Variants in FYB2 observed in about 807,000 individuals in gnomAD.
FYB2 encodes FYN-binding protein 2.
FYB2 carries 103 observed loss-of-function variants against 94.1 expected under a neutral mutation model. The observed-to-expected ratio is 1.09, with a 90% CI of 0.93 to 1.29. The LOEUF (loss-of-function observed/expected upper bound fraction) is 1.29. FYB2 is among the 50% of genes most tolerant of loss of function. The pLI is 0.00. For missense variants in FYB2, 896 were observed against 841.5 expected (o/e 1.06, Z -0.80); for synonymous variants, 293 against 287.9 (o/e 1.02, Z -0.18).
At chr1:56,772,260 AAATG>A (rs1477412682) in intron 4 of FYB2, among the ~76,000 whole-genome samples, 1 of 152,182 alleles carries the variant, frequency 6.6e-6, no homozygotes, top group African/African-American at 2.4e-5. Flanking sequence ...CTTTGGTCAA[AAATG>A]AATAAATATC....
At chr1:56,785,273 C>T (rs1282216528) in intron 4 of FYB2, among the ~76,000 whole-genome samples, 1 of 152,162 alleles carries the variant, frequency 6.6e-6, no homozygotes, top group East Asian at 1.9e-4. Context: ...TCTAGTTAAA[C>T]ACAGCAGTCA....
At chr1:56,783,956 T>C (rs1646070527) in intron 4 of FYB2, among the ~76,000 whole-genome samples, 1 of 152,174 alleles carries the variant, frequency 6.6e-6, no homozygotes, top group Admixed American at 6.6e-5. Context: ...TTGAACACTC[T>C]CTAGATGCTA....
chr1:56,753,744 T>G (rs1645257148), intron 8 of FYB2, 95 bp downstream of exon 8: 22 of 785,308 alleles, frequency 2.8e-5, no homozygotes, highest in Non-Finnish European at 4.3e-5. Flanking sequence ...TTTCTAACTC[T>G]GTCTCTCTGA....
chr1:56,777,784 C>A (rs1030351508), intron 4 of FYB2, among the ~76,000 whole-genome samples: 1 of 152,048 alleles, frequency 6.6e-6, no homozygotes, highest in Admixed American at 6.6e-5. Flanking sequence ...GACCTTATCA[C>A]CAACATCCTC....
chr1:56,740,844 A>G, intron 12 of FYB2, 49 bp from the exon 13 acceptor site: 1 of 1,245,724 alleles, frequency 8.0e-7, no homozygotes, highest in Non-Finnish European at 1.1e-6. Flanking sequence ...AGAGAGTACT[A>G]GAGATAGAAG....
At chr1:56,740,315 CAAAT>C (rs1644921964) in intron 13 of FYB2, among the ~76,000 whole-genome samples, 1 of 151,904 alleles carries the variant, frequency 6.6e-6, no homozygotes, top group African/African-American at 2.4e-5. Context: ...GAACAGTAGA[CAAAT>C]AAAAACTACT....
At chr1:56,723,827 G>A (rs1007978083) in intron 16 of FYB2, 146 bp from the exon 17 acceptor site, 27 of 565,692 alleles carry the variant, frequency 4.8e-5, no homozygotes, top group African/African-American at 1.2e-4. Flanking sequence ...ACAAAGTCAC[G>A]CATCTGTATT....
chr1:56,742,068 G>C (rs917818652), intron 12 of FYB2, 93 bp downstream of exon 12: 1 of 1,051,398 alleles, frequency 9.5e-7, no homozygotes, highest in Non-Finnish European at 1.4e-6. Flanking sequence ...CAGTGGGGCT[G>C]GGGGGCGGAT....
chr1:56,826,199 G>A, the FYB2 span, among the ~76,000 whole-genome samples: 1 of 152,154 alleles, frequency 6.6e-6, no homozygotes, highest in African/African-American at 2.4e-5. Flanking sequence ...ATGGGGGGTT[G>A]TAGGTTTAGT....
chr1:56,763,897 G>T (rs1645560704), intron 5 of FYB2, among the ~76,000 whole-genome samples: 1 of 151,062 alleles, frequency 6.6e-6, no homozygotes, highest in Non-Finnish European at 1.5e-5. Flanking sequence ...CTCTTCGCGA[G>T]ATTGCATTTC....
rs1453425568 is a variant in FYB2 at position 56,788,959 on chromosome 1, G to A, written c.919+14C>T. On this transcript the variant is annotated intron_variant, in intron 3 of 19. Coordinates refer to ENST00000343433, the MANE Select transcript of FYB2 (RefSeq NM_001004303.5). ...CCTGGTTGGCCTTGTGTAGGGCCCT[G>A]TGCATTTCCTTACCTTCCCCCTGAG... 1.9e-6 allele frequency: 3 copies of A among 1,613,974 alleles called. No homozygotes were observed. Among genetic ancestry groups the A allele is most frequent in the South Asian group, 2.2e-5 (2 of 91,068 alleles).
intron 1 of FYB2, among the ~76,000 whole-genome samples, chr1:56,809,127 C>T (rs975688547): frequency 2.0e-5 from 3 of 152,166 alleles, no homozygotes; most frequent in East Asian, 1.9e-4. Flanking sequence ...AACTCAGTGG[C>T]CCCACTGCAG....
At chr1:56,794,084 G>T (rs1208144776) in intron 1 of FYB2, among the ~76,000 whole-genome samples, 2 of 152,156 alleles carry the variant, frequency 1.3e-5, no homozygotes, top group East Asian at 1.9e-4. Flanking sequence ...TTTATAAGAG[G>T]CTAGATGACG....
At chr1:56,761,553 G>A (rs1645494912) in intron 5 of FYB2, among the ~76,000 whole-genome samples, 1 of 152,176 alleles carries the variant, frequency 6.6e-6, no homozygotes. Context: ...AGTCTGCAAA[G>A]CACTAGTCTA....
intron 9 of FYB2, among the ~76,000 whole-genome samples, chr1:56,747,292 T>C (rs143417685): frequency 2.9e-4 from 44 of 151,942 alleles, no homozygotes; most frequent in African/African-American, 1.0e-3. Flanking sequence ...CTGAGATACA[T>C]GTGCAGAATA....
In FYB2 at chr1:56,755,894, A is replaced by T. The variant is rs200627116; in HGVS notation, c.1130+2T>A. ...GCTTTTCTTTTGAAAGATAAAACTC[A>T]CCTAGGTTCTGGATAGGGAAAATTC... On this transcript the variant is annotated splice_donor_variant, in intron 7 of 19. Transcript: ENST00000343433. LOFTEE classifies it high-confidence loss of function. The T allele has an allele frequency of 6.2e-7, 1 of 1,606,636 alleles. No homozygotes were observed. The highest frequency in any genetic ancestry group is 8.5e-7 in the Non-Finnish European group (1 of 1,174,060).
At chr1:56,819,185 A>G (rs886717951) in intron 1 of FYB2, 97 bp downstream of exon 1, 1 of 1,438,900 alleles carries the variant, frequency 6.9e-7, no homozygotes, top group East Asian at 3.0e-5. Flanking sequence ...GAGGCAGCAC[A>G]CACAAGCAGT....
chr1:56,746,632 T>G (rs772173326), intron 9 of FYB2, among the ~76,000 whole-genome samples: 1 of 152,064 alleles, frequency 6.6e-6, no homozygotes, highest in Non-Finnish European at 1.5e-5. Flanking sequence ...AATAGTTTTT[T>G]TTGCTCATTC....
At chr1:56,729,908 T>A (rs1004570275) in intron 15 of FYB2, among the ~76,000 whole-genome samples, 1 of 151,892 alleles carries the variant, frequency 6.6e-6, no homozygotes, top group Non-Finnish European at 1.5e-5. Flanking sequence ...TATATGGAAA[T>A]TAAACAACAT....
Sources: gnomAD v4.1 joint callset for allele counts (sites outside exome capture counted in the v4.1 genomes callset) on GRCh38, gnomAD v4.1.1 for gene constraint, MANE v1.5 for transcripts, NCBI Gene and HGNC (gene_info 2026-07-23, HGNC 2026-07-21) for gene names.